PCNT: variants seen among roughly 807,000 people sequenced by gnomAD.
PCNT encodes kendrin.
In PCNT, 319 loss-of-function variants were observed where a neutral mutation model predicts 380.4. That is an observed-to-expected ratio of 0.84 (90% CI 0.77 to 0.92). The LOEUF (loss-of-function observed/expected upper bound fraction) is 0.92. PCNT is among the 40% of genes least tolerant of loss of function. The pLI is 0.00. For missense variants in PCNT, 4,400 were observed against 4,255.3 expected, an observed-to-expected ratio of 1.03 and a Z score of -0.95; for synonymous variants, 1,845 against 1,735.2, an observed-to-expected ratio of 1.06 and a Z score of -1.57.
At chr21:46,419,552 C>G (rs1388246947) in intron 31 of PCNT, among the ~76,000 whole-genome samples, 3 of 152,238 alleles carry the variant, frequency 2.0e-5, no homozygotes, top group Non-Finnish European at 4.4e-5. Flanking sequence ...GCCCCGTGTT[C>G]CAGCAGAGCC....
chr21:46,363,334 T>C, intron 13 of PCNT, 146 bp from the exon 14 acceptor site: 1 of 699,932 alleles, frequency 1.4e-6, no homozygotes, highest in Non-Finnish European at 2.5e-6. Context: ...GTCATCAACA[T>C]GAGAATCATT....
At chr21:46,384,723 C>G (rs576497228) in intron 16 of PCNT, among the ~76,000 whole-genome samples, 1 of 141,566 alleles carries the variant, frequency 7.1e-6, no homozygotes, top group Admixed American at 7.0e-5. Flanking sequence ...GGCGGAAACA[C>G]ATTCATGGTG....
At chr21:46,386,239 A>G (rs191814506) in intron 17 of PCNT, among the ~76,000 whole-genome samples, 1 of 151,544 alleles carries the variant, frequency 6.6e-6, no homozygotes, top group Non-Finnish European at 1.5e-5. Flanking sequence ...TCATTTCCCC[A>G]TCTGGCCAGA....
At position 46,437,218 on chromosome 21, in the gene PCNT, C is replaced by T. The variant is rs891580467; in HGVS notation, c.9099+137C>T. On this transcript the variant is annotated intron_variant, in intron 40 of 46. Coordinates refer to ENST00000359568, the MANE Select transcript of PCNT (RefSeq NM_006031.6). ...CCTTCTCTGAATTCATGGTTGCTATCTGGGTGAGTGGGTGGGGTCGACCCT... is the reference window on the plus strand; with the variant it reads ...CCTTCTCTGAATTCATGGTTGCTATTTGGGTGAGTGGGTGGGGTCGACCCT... The T allele has an allele frequency of 4.5e-6, 3 of 667,206 alleles. No homozygotes were observed. In the African/African-American group the frequency reaches 5.4e-5, roughly 12 times the overall value. The allele number at this position is 667,206 out of a possible 1,614,324, so 41.3% of individuals were successfully genotyped here.
chr21:46,436,961 G>C lies in PCNT; in HGVS notation c.8997-18G>C. 6.3e-7 allele frequency: 1 copy of C among 1,577,216 alleles called. No individual in the cohort carries two copies. The highest frequency in any genetic ancestry group is 8.7e-7 in the Non-Finnish European group (1 of 1,146,340). ...TTGGGGCGCGTATGCAACTTTGAGT[G>C]CCCATTTATTTTTACAGGACAGTTA... is the stretch of plus-strand genomic sequence containing the variant. On this transcript the variant is annotated intron_variant, in intron 39 of 46. Coordinates refer to ENST00000359568, the MANE Select transcript of PCNT (RefSeq NM_006031.6).
intron 30 of PCNT, among the ~76,000 whole-genome samples, chr21:46,417,486 T>C (rs1445968745): frequency 6.6e-6 from 1 of 152,154 alleles, no homozygotes; most frequent in Non-Finnish European, 1.5e-5. Flanking sequence ...GCCACCATGC[T>C]CAGCCAGAAA....
At chr21:46,409,301 G>C (rs1244323647) in intron 27 of PCNT, among the ~76,000 whole-genome samples, 2 of 147,466 alleles carry the variant, frequency 1.4e-5, no homozygotes, top group Non-Finnish European at 3.0e-5. Flanking sequence ...CAGTCCTCCT[G>C]TCTCAGCCTC....
At chr21:46,368,492 G>A (rs1034249503) in intron 15 of PCNT, among the ~76,000 whole-genome samples, 1 of 152,102 alleles carries the variant, frequency 6.6e-6, no homozygotes, top group Non-Finnish European at 1.5e-5. Flanking sequence ...GCACTTCCAA[G>A]TTTTTATCAT....
chr21:46,437,586 T>C (rs1446984737), intron 40 of PCNT, among the ~76,000 whole-genome samples: 1 of 152,258 alleles, frequency 6.6e-6, no homozygotes, highest in Non-Finnish European at 1.5e-5. Context: ...CTGAGCTCAC[T>C]GTAAGCTGCC....
Position 46,422,000 on chromosome 21 carries a change from G to C in PCNT, c.7055G>C (p.Ser2352Thr). 6.2e-7 allele frequency: 1 copy of C among 1,614,126 alleles called. No homozygotes were observed. Among genetic ancestry groups the C allele is most frequent in the Non-Finnish European group, 8.5e-7 (1 of 1,180,028 alleles). The change falls in exon 32 of 47, where the codon AGC (serine) becomes ACC (threonine). Residue 2352 changes from serine to threonine, a missense_variant. Transcript: ENST00000359568. ...GGCTCGGGTTTTGGAGCAAGACTGA[G>C]CCCGGGGTCAGGAGGCCCTGAGGCT... is the stretch of plus-strand genomic sequence containing the variant. ...SDGSGFGARL[S>T]PGSGGPEAQT...
rs143447540 is a variant in PCNT at position 46,366,833 on chromosome 21, C to T, written c.2859C>T (p.His953=). Residue 953 remains histidine, a synonymous_variant, in exon 15 of 47, where the codon CAC becomes CAT. Coordinates refer to ENST00000359568, the MANE Select transcript of PCNT (RefSeq NM_006031.6). ...GTGTGGCCGAACTGCAGACAAAACACGCTGCCGACCTCGGCGCTCTGGAGA... is the reference window on the plus strand; with the variant it reads ...GTGTGGCCGAACTGCAGACAAAACATGCTGCCGACCTCGGCGCTCTGGAGA... The part of the protein sequence containing the change: ...AARVAELQTK[H]AADLGALETR... 35 of 1,613,892 alleles carry T rather than the reference C, an allele frequency of 2.2e-5. No homozygotes were observed. Among genetic ancestry groups the T allele is most frequent in the African/African-American group, 8.0e-5 (6 of 74,954 alleles).
chr21:46,427,492 T>C, intron 33 of PCNT, 130 bp from the exon 34 acceptor site: 2 of 962,508 alleles, frequency 2.1e-6, no homozygotes, highest in South Asian at 1.4e-5. Context: ...TTCCTCTTCT[T>C]AAGAGGCCTC....
intron 1 of PCNT, among the ~76,000 whole-genome samples, chr21:46,325,680 C>G (rs1342014478): frequency 6.6e-6 from 1 of 152,128 alleles, no homozygotes; most frequent in African/African-American, 2.4e-5. Flanking sequence ...CAGATGTCTC[C>G]CCGTGAAAGG....
chr21:46,376,957 C>T (rs1297784983), intron 15 of PCNT, among the ~76,000 whole-genome samples: 2 of 152,194 alleles, frequency 1.3e-5, no homozygotes, highest in Admixed American at 6.5e-5. Context: ...CAGTGTTGTG[C>T]CGTGCGAACC....
chr21:46,337,836 G>A (rs1402784332), intron 3 of PCNT, among the ~76,000 whole-genome samples: 2 of 151,788 alleles, frequency 1.3e-5, no homozygotes, highest in Admixed American at 6.6e-5. Flanking sequence ...CCCCCACCTC[G>A]GCCTCCCAAA....
In PCNT at chr21:46,374,830, CAA is replaced by C. The variant is rs1311399442; in HGVS notation, c.3166-6863_3166-6862del. 4.7e-5 allele frequency among the ~76,000 whole-genome samples: 4 copies of C among 84,740 alleles called. No homozygotes were observed. In the East Asian group the frequency reaches 1.3e-3, roughly 28 times the overall value. The allele number at this position is 84,740 out of a possible 152,430, so 55.6% of individuals were successfully genotyped here. A position where few individuals can be genotyped will look rare whatever the true frequency, so the allele number is the denominator to read the frequency against. On this transcript the variant is annotated intron_variant, in intron 15 of 46. Coordinates refer to ENST00000359568, the MANE Select transcript of PCNT (RefSeq NM_006031.6). ...TGCCGTTGCACTCCAGCCTGGGCAA[CAA>C]GAGCAAAACTTCGTCTCAAAAAAAA... is the stretch of plus-strand genomic sequence containing the variant.
At position 46,401,458 on chromosome 21, in the gene PCNT, G is replaced by A. The variant is rs992323333; in HGVS notation, c.4792-93G>A. The A allele has an allele frequency of 1.2e-5, 12 of 1,021,596 alleles. No homozygotes were observed. The African/African-American group carries it at 1.9e-4, about 16-fold the overall frequency. The allele number at this position is 1,021,596 out of a possible 1,614,324, so 63.3% of individuals were successfully genotyped here. ...CAGGTCCACCTGCTCTGCTTCAGGT[G>A]CAGCTAAAGATGGTCTGTGCTTTAA... On this transcript the variant is annotated intron_variant, in intron 25 of 46. Coordinates refer to ENST00000359568, the MANE Select transcript of PCNT (RefSeq NM_006031.6).
At chr21:46,364,028 C>T (rs1407051576) in intron 14 of PCNT, 94 bp downstream of exon 14, 6 of 1,144,756 alleles carry the variant, frequency 5.2e-6, no homozygotes, top group Non-Finnish European at 7.7e-6. Flanking sequence ...GCGCTGTGGG[C>T]TCCACTGGGC....
At chr21:46,382,986 GCGGAAGCCCATTCACGGTGT>G (rs2085637347) in intron 16 of PCNT, among the ~76,000 whole-genome samples, 1 of 123,254 alleles carries the variant, frequency 8.1e-6, no homozygotes, top group African/African-American at 5.1e-5. Flanking sequence ...GCATTCAGTG[GCGGAAGCCCATTCACGGTGT>G]TGTGCATTCA....
Sources: allele counts gnomAD v4.1 joint callset (sites outside exome capture counted in the v4.1 genomes callset), GRCh38; gene constraint gnomAD v4.1.1; transcripts MANE v1.5; gene names NCBI Gene and HGNC (gene_info 2026-07-23, HGNC 2026-07-21).